The following DNAI7 variants were observed in gnomAD, a reference collection of about 807,000 sequenced individuals.
The protein encoded by DNAI7 is cancer susceptibility 1.
In DNAI7, 78 loss-of-function variants were observed where a neutral mutation model predicts 86.6. The ratio of observed to expected loss-of-function variants is 0.90; its 90% CI spans 0.75 to 1.09. The LOEUF is 1.09. Ranked by LOEUF, DNAI7 falls within the 50% of genes least tolerant of loss-of-function variation. The pLI, the probability that DNAI7 is intolerant of heterozygous loss-of-function variation, is 0.00. For missense variants in DNAI7, 753 were observed against 810.2 expected (o/e 0.93, Z 0.86); for synonymous variants, 274 against 273.0 (o/e 1.00, Z -0.04).
intron 9 of DNAI7, among the ~76,000 whole-genome samples, chr12:25,124,015 T>C (rs963990427): frequency 7.1e-5 from 9 of 126,878 alleles, no homozygotes; most frequent in Non-Finnish European, 1.4e-4. Context: ...ATAAATGCAG[T>C]GTTGCTAGTA....
chr12:25,157,150 T>C (rs897862474), intron 4 of DNAI7, among the ~76,000 whole-genome samples: 1 of 150,780 alleles, frequency 6.6e-6, no homozygotes, highest in Non-Finnish European at 1.5e-5. Flanking sequence ...CAGTGGCGGG[T>C]GCCTGTAGTC....
At chr12:25,117,084 C>G (rs1392581748) in intron 12 of DNAI7, among the ~76,000 whole-genome samples, 1 of 149,826 alleles carries the variant, frequency 6.7e-6, no homozygotes, top group Admixed American at 6.6e-5. Flanking sequence ...CAGGCATATG[C>G]CACCACGCCT....
chr12:25,117,705 T>A (rs2140413715), intron 12 of DNAI7, among the ~76,000 whole-genome samples: 1 of 152,220 alleles, frequency 6.6e-6, no homozygotes, highest in East Asian at 1.9e-4. Context: ...AGCAATAATG[T>A]CCCATGGCTC....
At chr12:25,174,652 G>GTGGAATATAT (rs1565813373) in intron 2 of DNAI7, among the ~76,000 whole-genome samples, 1 of 77,896 alleles carries the variant, frequency 1.3e-5, no homozygotes, top group Non-Finnish European at 2.4e-5. Flanking sequence ...ATGGAATATA[G>GTGGAATATAT]ATATCATATA....
At chr12:25,171,524 C>T (rs1274946783) in intron 2 of DNAI7, among the ~76,000 whole-genome samples, 1 of 152,070 alleles carries the variant, frequency 6.6e-6, no homozygotes, top group Non-Finnish European at 1.5e-5. Context: ...AGATTCACAG[C>T]AGAATTCTAC....
intron 7 of DNAI7, among the ~76,000 whole-genome samples, chr12:25,148,876 T>G (rs1161488518): frequency 6.6e-6 from 1 of 152,208 alleles, no homozygotes; most frequent in Non-Finnish European, 1.5e-5. Context: ...CTTTCACTTT[T>G]CCTGCCCCAG....
chr12:25,160,856 C>A (rs1490614729), intron 3 of DNAI7, among the ~76,000 whole-genome samples: 1 of 152,020 alleles, frequency 6.6e-6, no homozygotes, highest in East Asian at 1.9e-4. Flanking sequence ...CCCAAATTAT[C>A]CATGTGATTA....
chr12:25,177,868 A>G (rs118072388), intron 2 of DNAI7, among the ~76,000 whole-genome samples: 4,883 of 152,272 alleles, frequency 0.032, 151 homozygotes, highest in Non-Finnish European at 0.047. Flanking sequence ...TTATCAGACT[A>G]AGAAAGTGCG....
intron 9 of DNAI7, among the ~76,000 whole-genome samples, chr12:25,125,710 T>G (rs796120854): frequency 1.3e-5 from 2 of 152,198 alleles, no homozygotes; most frequent in African/African-American, 4.8e-5. Flanking sequence ...TTGTATTGCC[T>G]GGGTTGTCTT....
At chr12:25,192,163 T>C (rs943053574) in intron 1 of DNAI7, among the ~76,000 whole-genome samples, 2 of 152,210 alleles carry the variant, frequency 1.3e-5, no homozygotes, top group South Asian at 2.1e-4. Flanking sequence ...TACAAATAGA[T>C]TCTATTTTTA....
At chr12:25,163,509 CT>C (rs1947075676) in intron 2 of DNAI7, among the ~76,000 whole-genome samples, 2 of 152,180 alleles carry the variant, frequency 1.3e-5, no homozygotes, top group African/African-American at 4.8e-5. Context: ...GGCCCTACCC[CT>C]ATCTCCCTTC....
At chr12:25,143,240 T>C (rs933030400) in intron 9 of DNAI7, among the ~76,000 whole-genome samples, 5 of 123,816 alleles carry the variant, frequency 4.0e-5, no homozygotes, top group African/African-American at 1.4e-4. Context: ...CTACAGAGTC[T>C]TCATAATTTT....
At chr12:25,155,559 A>G (rs1192493834) in intron 4 of DNAI7, 147 bp from the exon 5 acceptor site, 2 of 485,862 alleles carry the variant, frequency 4.1e-6, no homozygotes, top group Non-Finnish European at 7.2e-6. Flanking sequence ...GATATCTCCA[A>G]AAGGTTTCAT....
intron 2 of DNAI7, among the ~76,000 whole-genome samples, chr12:25,166,949 G>A (rs115094465): frequency 2.6e-5 from 4 of 151,946 alleles, no homozygotes; most frequent in African/African-American, 4.8e-5. Context: ...CTCACTTCTT[G>A]TTGAGTCTCC....
chr12:25,187,746 T>C (rs1950162573), intron 2 of DNAI7, among the ~76,000 whole-genome samples: 1 of 152,178 alleles, frequency 6.6e-6, no homozygotes, highest in African/African-American at 2.4e-5. Flanking sequence ...CCCCAAGGTA[T>C]ACTTACTCCA....
chr12:25,156,286 T>C (rs1946164748), intron 4 of DNAI7, among the ~76,000 whole-genome samples: 2 of 152,330 alleles, frequency 1.3e-5, no homozygotes, highest in South Asian at 4.1e-4. Flanking sequence ...TGTGCAATTA[T>C]TTGACTAATT....
At position 25,108,825 on chromosome 12, in the gene DNAI7, TAAAA is replaced by T; in HGVS notation, c.1894-6_1894-3del. The T allele has an allele frequency of 9.6e-6, 1 of 104,520 alleles. No homozygotes were observed. Among genetic ancestry groups the T allele is most frequent in the African/African-American group, 4.8e-5 (1 of 20,968 alleles). The allele number at this position is 104,520 out of a possible 1,614,324, so 6.5% of individuals were successfully genotyped here. A position where few individuals can be genotyped will look rare whatever the true frequency, so the allele number is the denominator to read the frequency against. ...TGCTTCAGTAAGGTGTTCCCTCACCTAAAAAAAAAAAAAATTCAAGCAAGTTGTT... is the reference window on the plus strand; with the variant it reads ...TGCTTCAGTAAGGTGTTCCCTCACCTAAAAAAAAAATTCAAGCAAGTTGTT... On this transcript the variant is annotated splice_polypyrimidine_tract_variant and splice_region_variant and intron_variant, in intron 15 of 15. Coordinates refer to ENST00000395987, the MANE Select transcript of DNAI7 (RefSeq NM_018272.5).
chr12:25,124,785 T>TA, intron 9 of DNAI7, among the ~76,000 whole-genome samples: 1 of 152,260 alleles, frequency 6.6e-6, no homozygotes, highest in East Asian at 1.9e-4. Context: ...CCTCTACTCC[T>TA]AAGTAGGCCC....
chr12:25,116,081 TTTC>T (rs1490905547), intron 12 of DNAI7, among the ~76,000 whole-genome samples: 3 of 94,114 alleles, frequency 3.2e-5, no homozygotes, highest in Non-Finnish European at 8.2e-5. Flanking sequence ...TCTGTATTTC[TTTC>T]TTTTTTTTTT....
Sources: gnomAD v4.1 joint callset for allele counts (sites outside exome capture counted in the v4.1 genomes callset) on GRCh38, gnomAD v4.1.1 for gene constraint, MANE v1.5 for transcripts, NCBI Gene and HGNC (gene_info 2026-07-23, HGNC 2026-07-21) for gene names.